Variants in INSL6 observed in about 807,000 individuals in gnomAD.
The protein encoded by INSL6 is insulin-like peptide INSL6.
Under a neutral mutation model 9.4 loss-of-function variants are expected in INSL6, and 16 were observed. The ratio of observed to expected loss-of-function variants is 1.70; its 90% CI spans 1.15 to 2.59. The LOEUF (loss-of-function observed/expected upper bound fraction) is 2.59. Among genes scored for constraint, INSL6 ranks in the 30% most tolerant of loss-of-function variants. The probability of loss-of-function intolerance (pLI) is 0.00; values close to 1 mark genes in which losing one functional copy is unlikely to be tolerated. For synonymous variants in INSL6, 154 were observed against 96.9 expected (o/e 1.59, Z -3.46); for missense variants, 391 against 257.3 (o/e 1.52, Z -3.56).
At chr9:5,112,576 G>C in the INSL6 span, 1 of 678,698 alleles carries the variant, frequency 1.5e-6, no homozygotes, top group South Asian at 2.1e-5. Context: ...GCGGCTGCGG[G>C]TCCCTTAAGA....
chr9:5,001,064 T>C, the INSL6 span, among the ~76,000 whole-genome samples: 1 of 152,256 alleles, frequency 6.6e-6, no homozygotes, highest in African/African-American at 2.4e-5. Flanking sequence ...TATCCTGTGA[T>C]ACTGGTAAAT....
chr9:5,119,939 A>G (rs10217652), downstream of INSL6, among the ~76,000 whole-genome samples: 57,269 of 152,064 alleles, frequency 0.38, 12,080 homozygotes, highest in African/African-American at 0.59. Context: ...TAGAATATGA[A>G]TTGATAAAAT....
the INSL6 span, among the ~76,000 whole-genome samples, chr9:5,026,799 T>A: frequency 6.6e-6 from 1 of 152,222 alleles, no homozygotes; most frequent in Non-Finnish European, 1.5e-5. Context: ...AGGTATTCTC[T>A]TGGTTTTTTA....
At chr9:5,075,424 A>G in the INSL6 span, among the ~76,000 whole-genome samples, 1 of 152,218 alleles carries the variant, frequency 6.6e-6, no homozygotes, top group Non-Finnish European at 1.5e-5. Flanking sequence ...CTAAGGGCCA[A>G]TGCCATTGGT....
chr9:5,176,863 A>T (rs1289028341), intron 1 of INSL6, among the ~76,000 whole-genome samples: 1 of 152,214 alleles, frequency 6.6e-6, no homozygotes, highest in Non-Finnish European at 1.5e-5. Flanking sequence ...ACCTATAAAA[A>T]TAAGTTGCAT....
chr9:5,017,419 A>G, the INSL6 span, among the ~76,000 whole-genome samples: 3 of 152,220 alleles, frequency 2.0e-5, no homozygotes, highest in Non-Finnish European at 4.4e-5. Context: ...TTAACTTTCT[A>G]TCTTTTCAGA....
the INSL6 span, among the ~76,000 whole-genome samples, chr9:5,019,794 T>G: frequency 6.6e-6 from 1 of 152,158 alleles, no homozygotes. Flanking sequence ...AAGATTTTTT[T>G]TCCTTTGTAA....
the INSL6 span, among the ~76,000 whole-genome samples, chr9:5,065,661 A>G: frequency 3.9e-5 from 6 of 152,202 alleles, no homozygotes; most frequent in Non-Finnish European, 5.9e-5. Flanking sequence ...ATTGGCTCAC[A>G]CAGTTGTAGA....
intron 2 of INSL6, among the ~76,000 whole-genome samples, chr9:5,154,010 G>T (rs1349118101): frequency 6.6e-6 from 1 of 152,180 alleles, no homozygotes; most frequent in Non-Finnish European, 1.5e-5. Context: ...AGCCTGCATA[G>T]CCAAGACAAT....
chr9:5,001,714 C>T, the INSL6 span, among the ~76,000 whole-genome samples: 1 of 151,586 alleles, frequency 6.6e-6, no homozygotes, highest in Admixed American at 6.6e-5. Flanking sequence ...TTATTTCTGC[C>T]CCTCTGTTTT....
chr9:5,117,494 T>C, the INSL6 span, among the ~76,000 whole-genome samples: 1 of 152,196 alleles, frequency 6.6e-6, no homozygotes, highest in Admixed American at 6.5e-5. Flanking sequence ...TTTCACTCAT[T>C]TTTTCATAAG....
At chr9:5,058,692 C>G in the INSL6 span, among the ~76,000 whole-genome samples, 1 of 152,324 alleles carries the variant, frequency 6.6e-6, no homozygotes, top group East Asian at 1.9e-4. Flanking sequence ...TCCACATGCT[C>G]ATCAAAACTT....
chr9:5,121,927 C>G (rs984506798), downstream of INSL6, among the ~76,000 whole-genome samples: 4 of 152,136 alleles, frequency 2.6e-5, no homozygotes, highest in African/African-American at 9.7e-5. Flanking sequence ...TCTTCAAGAA[C>G]TTTGCATTCC....
chr9:5,068,165 A>C, the INSL6 span, among the ~76,000 whole-genome samples: 2,143 of 101,434 alleles, frequency 0.021, 34 homozygotes, highest in African/African-American at 0.097. Context: ...TCTCAAAAAA[A>C]AACAACAACA....
chr9:4,998,655 CA>C, the INSL6 span, among the ~76,000 whole-genome samples: 2 of 151,670 alleles, frequency 1.3e-5, no homozygotes, highest in African/African-American at 2.4e-5. Context: ...GCTTTTCCTA[CA>C]AATGTGGCTT....
chr9:5,156,244 T>C (rs553524299), intron 2 of INSL6, among the ~76,000 whole-genome samples: 6 of 152,340 alleles, frequency 3.9e-5, no homozygotes, highest in East Asian at 3.9e-4. Context: ...AATAACTTTA[T>C]TGGTGAATTT....
At chr9:4,998,037 T>A in the INSL6 span, among the ~76,000 whole-genome samples, 394 of 152,320 alleles carry the variant, frequency 2.6e-3, 1 homozygote, top group Middle Eastern at 6.8e-3. Context: ...GAGCTTAAAT[T>A]CATACTGATT....
chr9:5,074,316 T>C, the INSL6 span, among the ~76,000 whole-genome samples: 14 of 152,304 alleles, frequency 9.2e-5, no homozygotes, highest in Non-Finnish European at 1.6e-4. Context: ...CCTTGCTTTA[T>C]TGTGCTTCTT....
At chr9:5,009,742 C>A in the INSL6 span, among the ~76,000 whole-genome samples, 1 of 151,708 alleles carries the variant, frequency 6.6e-6, no homozygotes, top group Non-Finnish European at 1.5e-5. Context: ...CTTATAGATG[C>A]CTTCCTCTGT....
Sources: gnomAD v4.1 joint callset for allele counts (sites outside exome capture counted in the v4.1 genomes callset) on GRCh38, gnomAD v4.1.1 for gene constraint, MANE v1.5 for transcripts, NCBI Gene and HGNC (gene_info 2026-07-23, HGNC 2026-07-21) for gene names.